Variants in HPS3 observed in about 807,000 individuals in gnomAD.
HPS3 encodes HPS3 biogenesis of lysosomal organelles complex 2 subunit 1.
A neutral mutation model predicts 110.9 loss-of-function variants in HPS3; 79 were observed. The ratio of observed to expected loss-of-function variants is 0.71; its 90% CI spans 0.59 to 0.86. The LOEUF is 0.86. HPS3 is among the 40% of genes least tolerant of loss of function. The pLI is 0.00. For missense variants in HPS3, 1,197 were observed against 1,206.2 expected (o/e 0.99, Z 0.11); for synonymous variants, 428 against 451.0 (o/e 0.95, Z 0.65).
chr3:149,166,938 G>T, intron 14 of HPS3, 96 bp from the exon 15 acceptor site: 1 of 915,352 alleles, frequency 1.1e-6, no homozygotes, highest in Non-Finnish European at 1.8e-6. Context: ...TTTATTTTTG[G>T]CAAGTGAGGT....
intron 4 of HPS3, among the ~76,000 whole-genome samples, chr3:149,144,507 T>C (rs1026468513): frequency 6.6e-6 from 1 of 152,268 alleles, no homozygotes; most frequent in Admixed American, 6.5e-5. Flanking sequence ...ATAAAGTTCA[T>C]ACATTGCAAT....
At position 149,172,197 on chromosome 3, in the gene HPS3, G is replaced by T. The variant is rs1725064744; in HGVS notation, c.2990G>T (p.Cys997Phe). ...ATFFLPYLLYCSRKKPLT is the reference protein window; with the variant it reads ...ATFFLPYLLYFSRKKPLT ...TTTTTCTTGCCATATCTTCTCTATT[G>T]CAGTCGAAAGAAACCATTGACTTAA... Residue 997 changes from cysteine (C) to phenylalanine (F), a missense_variant, in exon 17 of 17, where the codon TGC becomes TTC. Physicochemically the swap from Cys to Phe is radical, Grantham distance 205. Transcript: ENST00000296051. The T allele has an allele frequency of 6.2e-7, 1 of 1,613,410 alleles. No individual in the cohort carries two copies. The highest frequency in any genetic ancestry group is 8.5e-7 in the Non-Finnish European group (1 of 1,179,640).
At position 149,139,648 on chromosome 3, in the gene HPS3, T is replaced by C. The variant is rs558816107; in HGVS notation, c.218-356T>C. ...TGAGAATTCCTTAATGTATACCTAATTTTGGTGTCACCCTAATAGTGAATT... is the reference window on the plus strand; with the variant it reads ...TGAGAATTCCTTAATGTATACCTAACTTTGGTGTCACCCTAATAGTGAATT... On this transcript the variant is annotated intron_variant, in intron 1 of 16. Coordinates refer to ENST00000296051, the MANE Select transcript of HPS3 (RefSeq NM_032383.5). Among the ~76,000 whole-genome samples, 106 of 152,324 alleles carry C rather than the reference T, an allele frequency of 7.0e-4. 1 individual carries two copies. The South Asian group carries it at 0.012, about 17-fold the overall frequency.
In HPS3 at chr3:149,163,875, C is replaced by T; in HGVS notation, c.2515C>T (p.Pro839Ser). The change falls in exon 14 of 17, where the codon CCA becomes TCA. Residue 839 changes from proline to serine, a missense_variant. Physicochemically the swap from Pro to Ser is moderately conservative, Grantham distance 74. Coordinates refer to ENST00000296051, the MANE Select transcript of HPS3 (RefSeq NM_032383.5). ...NACSHYGLIY[P>S]WVHVVISSDS... ...CTGTAGTCATTATGGCTTAATTTATCCATGGGTTCACGTCGTAATATCATC... is the reference window on the plus strand; with the variant it reads ...CTGTAGTCATTATGGCTTAATTTATTCATGGGTTCACGTCGTAATATCATC... 2 of 1,582,056 alleles carry T rather than the reference C, an allele frequency of 1.3e-6. No individual in the cohort carries two copies. The highest frequency in any genetic ancestry group is 1.7e-6 in the Non-Finnish European group (2 of 1,150,924).
intron 1 of HPS3, among the ~76,000 whole-genome samples, chr3:149,137,223 A>T (rs1206963537): frequency 1.3e-5 from 2 of 152,210 alleles, no homozygotes; most frequent in East Asian, 1.9e-4. Context: ...ATAAGAAAAG[A>T]TGCTCAAAAT....
chr3:149,155,155 G>A lies in HPS3; in HGVS notation c.1449G>A (p.Glu483=), dbSNP rs1723366598. The A allele has an allele frequency of 1.2e-6, 2 of 1,611,276 alleles. No homozygotes were observed. Among genetic ancestry groups the A allele is most frequent in the Non-Finnish European group, 1.7e-6 (2 of 1,177,492 alleles). ...AAATCAAAATACCTCCTGTAGCTGAGGCTGGGTGGAATTTGTATATTGTGA... is the reference window on the plus strand; with the variant it reads ...AAATCAAAATACCTCCTGTAGCTGAAGCTGGGTGGAATTTGTATATTGTGA... ...SVKIKIPPVA[E]AGWNLYIVNT... is the part of the protein sequence containing the mutation. Residue 483 remains glutamate (E), a synonymous_variant, in exon 8 of 17, where the codon GAG becomes GAA. Coordinates refer to ENST00000296051, the MANE Select transcript of HPS3 (RefSeq NM_032383.5).
At chr3:149,167,700 G>A (rs557170574) in intron 15 of HPS3, among the ~76,000 whole-genome samples, 193 bp from the exon 16 acceptor site, 7 of 152,126 alleles carry the variant, frequency 4.6e-5, no homozygotes, top group Admixed American at 3.9e-4. Context: ...TTCAAGTTAC[G>A]AACCTGACTT....
intron 16 of HPS3, chr3:149,170,688 G>A (rs1002586403): frequency 2.0e-5 from 3 of 152,160 alleles, no homozygotes; most frequent in African/African-American, 7.2e-5. Context: ...AACAAAGGCA[G>A]TTCATTCTTT....
In HPS3 at chr3:149,162,835, G is replaced by A; in HGVS notation, c.2438G>A (p.Arg813Lys). 1 of 1,614,046 alleles carries A rather than the reference G, an allele frequency of 6.2e-7. No homozygotes were observed. The highest frequency in any genetic ancestry group is 1.1e-5 in the South Asian group (1 of 91,086). The change falls in exon 13 of 17, where the codon AGG (arginine) becomes AAG (lysine). Residue 813 changes from arginine to lysine, a missense_variant. Coordinates refer to ENST00000296051, the MANE Select transcript of HPS3 (RefSeq NM_032383.5). ...TSQYIWRLSK[R>K]QPPDTTPLRT... Reference sequence around the variant, plus strand: ...CAGTACATCTGGAGATTGTCTAAGAGGCAGCCTCCTGACACCACACCATTG... The same window carrying A: ...CAGTACATCTGGAGATTGTCTAAGAAGCAGCCTCCTGACACCACACCATTG...
Position 149,172,170 on chromosome 3 carries a change from C to T in HPS3, c.2963C>T (p.Thr988Ile), listed in dbSNP as rs1417222671. ...GTTCTCCCAGAAGATGGTACTGCAA[C>T]ATTTTTCTTGCCATATCTTCTCTAT... ...MNVLPEDGTATFFLPYLLYCS... is the reference protein window; with the variant it reads ...MNVLPEDGTAIFFLPYLLYCS... The change falls in exon 17 of 17, where the codon ACA becomes ATA. Residue 988 changes from threonine to isoleucine, a missense_variant. Thr to Ile is a moderately conservative substitution (Grantham distance 89, BLOSUM62 -1). Coordinates refer to ENST00000296051, the MANE Select transcript of HPS3 (RefSeq NM_032383.5). The T allele has an allele frequency of 6.2e-7, 1 of 1,613,338 alleles. No individual in the cohort carries two copies. Among genetic ancestry groups the T allele is most frequent in the Admixed American group, 1.7e-5 (1 of 59,980 alleles).
In HPS3 at chr3:149,140,312, G is replaced by A. The variant is rs1425760255; in HGVS notation, c.526G>A (p.Glu176Lys). 2 of 1,613,618 alleles carry A rather than the reference G, an allele frequency of 1.2e-6. No individual in the cohort carries two copies. Among genetic ancestry groups the A allele is most frequent in the Non-Finnish European group, 1.7e-6 (2 of 1,179,690 alleles). The change falls in exon 2 of 17, where the codon GAA becomes AAA. Residue 176 changes from glutamate to lysine, a missense_variant. Physicochemically the swap from Glu to Lys is moderately conservative, Grantham distance 56. Coordinates refer to ENST00000296051, the MANE Select transcript of HPS3 (RefSeq NM_032383.5). ...TGAGGAATTCTCACTATTGGACTTT[G>A]AACGTTCTTTAATTATACACATAGA... is the stretch of plus-strand genomic sequence containing the variant. ...INEEFSLLDFERSLIIHIDNI... is the reference protein window; with the variant it reads ...INEEFSLLDFKRSLIIHIDNI...
In HPS3 at chr3:149,157,399, AC is replaced by A. The variant is rs2108158577; in HGVS notation, c.1561del (p.Leu521PhefsTer8). On this transcript the variant is annotated frameshift_variant, in exon 9 of 17. Transcript: ENST00000296051. LOFTEE classifies it high-confidence loss of function. Reference sequence around the variant, plus strand: ...ACTGTCAAAACCCAGAGCTGCATTCACCTTCTCAGTGAGGCTCATCTGTTAG... The same window carrying A: ...ACTGTCAAAACCCAGAGCTGCATTCACTTCTCAGTGAGGCTCATCTGTTAG... ...YKTVKTQSCI[H>X]LLSEAHLLVR... The A allele has an allele frequency of 6.2e-7, 1 of 1,613,888 alleles. No individual in the cohort carries two copies.
At chr3:149,139,770 A>G (rs1015000425) in intron 1 of HPS3, among the ~76,000 whole-genome samples, 1 of 152,348 alleles carries the variant, frequency 6.6e-6, no homozygotes, top group African/African-American at 2.4e-5. Context: ...TGTATGTTAC[A>G]TGGGCAATTA....
rs1371120672 is a variant in HPS3 at position 149,140,320 on chromosome 3, TTTAA to T, written c.538_541del (p.Ile180TyrfsTer3). 6.2e-7 allele frequency: 1 copy of T among 1,613,882 alleles called. No individual in the cohort carries two copies. The highest frequency in any genetic ancestry group is 8.5e-7 in the Non-Finnish European group (1 of 1,179,724). On this transcript the variant is annotated frameshift_variant, in exon 2 of 17. Coordinates refer to ENST00000296051, the MANE Select transcript of HPS3 (RefSeq NM_032383.5). LOFTEE classifies it high-confidence loss of function. ...TCTCACTATTGGACTTTGAACGTTC[TTTAA>T]TTATACACATAGATAATATCACTCC...
chr3:149,167,851 A>C (rs777133486), intron 15 of HPS3, 42 bp from the exon 16 acceptor site: 2 of 1,121,914 alleles, frequency 1.8e-6, no homozygotes, highest in Admixed American at 1.7e-5. Context: ...TCTGAGAATA[A>C]AATGCATCAA....
At chr3:149,134,375 T>A (rs113772711) in intron 1 of HPS3, among the ~76,000 whole-genome samples, 18 of 151,358 alleles carry the variant, frequency 1.2e-4, no homozygotes, top group East Asian at 1.9e-4. Flanking sequence ...TGTGTGTGTG[T>A]GAGAGAGAGA....
chr3:149,134,036 A>G (rs1721931603), intron 1 of HPS3, among the ~76,000 whole-genome samples: 1 of 152,186 alleles, frequency 6.6e-6, no homozygotes, highest in African/African-American at 2.4e-5. Context: ...TTATAAAAGA[A>G]AAAACACTTA....
At position 149,167,941 on chromosome 3, in the gene HPS3, TGTG is replaced by T. The variant is rs750099827; in HGVS notation, c.2850_2852del (p.Gly951del). ...GCCTGAACTTTGTCAGAGAATAAAA[TGTG>T]GTGGAGAGAAGTATCAACTCTACCT... On this transcript the variant is annotated inframe_deletion, in exon 16 of 17. Coordinates refer to ENST00000296051, the MANE Select transcript of HPS3 (RefSeq NM_032383.5). The T allele has an allele frequency of 1.6e-5, 25 of 1,607,230 alleles. No individual in the cohort carries two copies. Among genetic ancestry groups the T allele is most frequent in the African/African-American group, 2.7e-5 (2 of 74,808 alleles).
chr3:149,137,526 T>C (rs1012029977), intron 1 of HPS3, among the ~76,000 whole-genome samples: 5 of 152,204 alleles, frequency 3.3e-5, no homozygotes, highest in African/African-American at 1.2e-4. Context: ...TGCACACCAA[T>C]GTTTGTAGCA....
Sources: allele counts gnomAD v4.1 joint callset (sites outside exome capture counted in the v4.1 genomes callset), GRCh38; gene constraint gnomAD v4.1.1; transcripts MANE v1.5; gene names NCBI Gene and HGNC (gene_info 2026-07-23, HGNC 2026-07-21).